MYO5C: variants seen among roughly 807,000 people sequenced by gnomAD.
MYO5C encodes the protein unconventional myosin-Vc.
A neutral mutation model predicts 235.7 loss-of-function variants in MYO5C; 194 were observed. The ratio of observed to expected loss-of-function variants is 0.82; its 90% CI spans 0.73 to 0.93. The LOEUF (loss-of-function observed/expected upper bound fraction) is 0.93, where lower values mean the gene tolerates loss of function less well. MYO5C is among the 40% of genes least tolerant of loss of function. The pLI, the probability that MYO5C is intolerant of heterozygous loss-of-function variation, is 0.00. For synonymous variants in MYO5C, 707 were observed against 754.8 expected, an observed-to-expected ratio of 0.94 and a Z score of 1.04; for missense variants, 2,038 against 2,127.2, an observed-to-expected ratio of 0.96 and a Z score of 0.82.
intron 23 of MYO5C, among the ~76,000 whole-genome samples, chr15:52,234,400 A>T (rs2036031944): frequency 6.6e-6 from 1 of 152,226 alleles, no homozygotes; most frequent in Non-Finnish European, 1.5e-5. Flanking sequence ...ATTCACCCAA[A>T]CATGACATGG....
rs1163608494 is a variant in MYO5C at position 52,244,362 on chromosome 15, G to A, written c.2384C>T (p.Thr795Ile). 6.2e-7 allele frequency: 1 copy of A among 1,612,660 alleles called. No homozygotes were observed. Among genetic ancestry groups the A allele is most frequent in the Non-Finnish European group, 8.5e-7 (1 of 1,179,538 alleles). The stretch of plus-strand genomic sequence containing the variant: ...TTCCTTGATTCCAACATACCTCACA[G>A]TTTGCTGACCCCGGAAGTACTGCTG... ...IIQQYFRGQQ[T>I]VRKAITAVAL... The change falls in exon 19 of 41, where the codon ACT becomes ATT. Residue 795 changes from threonine to isoleucine, a missense_variant. By Grantham distance (89) the Thr-to-Ile change is moderately conservative. Coordinates refer to ENST00000261839, the MANE Select transcript of MYO5C (RefSeq NM_018728.4).
intron 23 of MYO5C, among the ~76,000 whole-genome samples, chr15:52,233,490 G>A (rs559228593): frequency 6.6e-4 from 100 of 152,298 alleles, no homozygotes; most frequent in African/African-American, 2.4e-3. Context: ...GAAGCCAGTA[G>A]CACCTCTGCT....
intron 2 of MYO5C, among the ~76,000 whole-genome samples, chr15:52,280,964 G>T (rs1229604073): frequency 2.0e-5 from 3 of 152,170 alleles, no homozygotes; most frequent in Admixed American, 6.5e-5. Flanking sequence ...AACTGGACAC[G>T]GATGCTCAGG....
At chr15:52,255,293 G>A (rs1291656784) in intron 11 of MYO5C, among the ~76,000 whole-genome samples, 2 of 152,224 alleles carry the variant, frequency 1.3e-5, no homozygotes, top group Non-Finnish European at 1.5e-5. Context: ...AAGACGTCAT[G>A]CTATGTTTTC....
intron 13 of MYO5C, among the ~76,000 whole-genome samples, chr15:52,249,169 G>A (rs777985036): frequency 4.6e-5 from 7 of 152,178 alleles, no homozygotes; most frequent in South Asian, 2.1e-4. Context: ...AACAGACATC[G>A]TTTCCTAAAT....
In MYO5C at chr15:52,235,518, G is replaced by A. The variant is rs938717752; in HGVS notation, c.2962+152C>T. Reference sequence around the variant, plus strand: ...CGAATCTGTAGGGCAAAGTTACCACGACTTAAATATGGCTATTCCTTGTGA... The same window carrying A: ...CGAATCTGTAGGGCAAAGTTACCACAACTTAAATATGGCTATTCCTTGTGA... On this transcript the variant is annotated intron_variant, in intron 23 of 40. Transcript: ENST00000261839. 1.5e-5 allele frequency: 8 copies of A among 525,158 alleles called. No homozygotes were observed. The Admixed American group carries it at 1.6e-4, about 11-fold the overall frequency. The allele number at this position is 525,158 out of a possible 1,614,324, so 32.5% of individuals were successfully genotyped here.
intron 38 of MYO5C, among the ~76,000 whole-genome samples, chr15:52,199,739 G>A (rs1362162598): frequency 1.3e-5 from 2 of 152,122 alleles, no homozygotes; most frequent in African/African-American, 4.8e-5. Flanking sequence ...TGGTGGCGAA[G>A]GAGGCCAGAA....
chr15:52,218,500 A>G lies in MYO5C; in HGVS notation c.3954+19T>C. ...CTGCACACAGACAGTCTTTATCACC[A>G]AGTTAGAAGACTTCTCACCCTGTTT... On this transcript the variant is annotated intron_variant, in intron 32 of 40. Coordinates refer to ENST00000261839, the MANE Select transcript of MYO5C (RefSeq NM_018728.4). The G allele has an allele frequency of 6.2e-7, 1 of 1,612,158 alleles. No individual in the cohort carries two copies. Among genetic ancestry groups the G allele is most frequent in the Non-Finnish European group, 8.5e-7 (1 of 1,178,646 alleles).
At chr15:52,248,130 T>G (rs1273862743) in intron 14 of MYO5C, among the ~76,000 whole-genome samples, 1 of 152,116 alleles carries the variant, frequency 6.6e-6, no homozygotes, top group African/African-American at 2.4e-5. Context: ...CAGAGTGAAT[T>G]TCATATTTTG....
At chr15:52,205,249 A>G in intron 37 of MYO5C, 102 bp from the exon 38 acceptor site, 1 of 1,286,946 alleles carries the variant, frequency 7.8e-7, no homozygotes, top group East Asian at 2.3e-5. Flanking sequence ...TTTTTCTACA[A>G]GAGTCAGTGG....
chr15:52,235,499 T>A (rs1414775770), intron 23 of MYO5C, among the ~76,000 whole-genome samples, 171 bp downstream of exon 23: 3 of 152,198 alleles, frequency 2.0e-5, no homozygotes, highest in African/African-American at 7.2e-5. Flanking sequence ...CAGACGAATC[T>A]GTAGGGCAAA....
rs780365463 is a variant in MYO5C at position 52,247,444 on chromosome 15, C to T, written c.1881+14G>A. The stretch of plus-strand genomic sequence containing the variant: ...TGCCTTTAGACCCCTCACTCTCAAA[C>T]ACCTTCTCAGTACCTTGCTCCCAAC... On this transcript the variant is annotated intron_variant, in intron 15 of 40. Transcript: ENST00000261839. 8.7e-6 allele frequency: 14 copies of T among 1,613,474 alleles called. No homozygotes were observed. The highest frequency in any genetic ancestry group is 1.7e-4 in the Middle Eastern group (1 of 6,060).
At chr15:52,285,234 G>T (rs2081342139) in intron 1 of MYO5C, among the ~76,000 whole-genome samples, 1 of 152,014 alleles carries the variant, frequency 6.6e-6, no homozygotes, top group South Asian at 2.1e-4. Context: ...TGGGCGTGGT[G>T]GTGCATGCCT....
rs143928669 is a variant in MYO5C at position 52,255,729 on chromosome 15, T to C, written c.1395+910A>G. ...AGGTTGAAATTGTATTCAATACACA[T>C]AGCAATAATAAATGCCCAAACAGCC... On this transcript the variant is annotated intron_variant, in intron 11 of 40. Transcript: ENST00000261839. 3.7e-3 allele frequency among the ~76,000 whole-genome samples: 569 copies of C among 151,888 alleles called. 2 individuals carry two copies. Among genetic ancestry groups the C allele is most frequent in the African/African-American group, 0.013 (541 of 41,558 alleles).
At chr15:52,233,984 G>A (rs1420983068) in intron 23 of MYO5C, among the ~76,000 whole-genome samples, 2 of 152,104 alleles carry the variant, frequency 1.3e-5, no homozygotes, top group African/African-American at 4.8e-5. Flanking sequence ...GAATCAAAAT[G>A]ACTGCTTCAG....
chr15:52,225,247 C>T lies in MYO5C; in HGVS notation c.3302-109G>A, dbSNP rs997165970. 5.7e-5 allele frequency: 72 copies of T among 1,255,750 alleles called. No homozygotes were observed. In the African/African-American group the frequency reaches 9.5e-4, roughly 17 times the overall value. 77.8% of individuals were successfully genotyped at this position (1,255,750 alleles called of 1,614,324 possible). ...AGCTTCACAGTCTCCAGCTAAATAA[C>T]TCACCAGCTATCCAATCAACCAACT... On this transcript the variant is annotated intron_variant, in intron 26 of 40. Transcript: ENST00000261839.
rs1187299217 is a variant in MYO5C at position 52,269,828 on chromosome 15, C to G, written c.865G>C (p.Gly289Arg). The stretch of plus-strand genomic sequence containing the variant: ...ACACCCTCAATGACAGTATTGCCTC[C>G]CATTCTTGTATAATTAAATTCTTCG... ...SAEEFNYTRM[G>R]GNTVIEGVND... is the part of the protein sequence containing the mutation. Residue 289 changes from glycine to arginine, a missense_variant, in exon 8 of 41, where the codon GGA becomes CGA. Gly to Arg is a moderately radical substitution (Grantham distance 125). Coordinates refer to ENST00000261839, the MANE Select transcript of MYO5C (RefSeq NM_018728.4). 1 of 1,613,498 alleles carries G rather than the reference C, an allele frequency of 6.2e-7. No individual in the cohort carries two copies. The highest frequency in any genetic ancestry group is 1.1e-5 in the South Asian group (1 of 91,060).
chr15:52,252,439 G>A (rs72734947), intron 12 of MYO5C, among the ~76,000 whole-genome samples: 6 of 151,816 alleles, frequency 4.0e-5, no homozygotes, highest in Non-Finnish European at 5.9e-5. Flanking sequence ...CTTGATACAT[G>A]TGATTTTTTT....
intron 19 of MYO5C, chr15:52,242,983 T>C (rs1271951740): frequency 6.6e-6 from 1 of 152,222 alleles, no homozygotes; most frequent in African/African-American, 2.4e-5. Flanking sequence ...TCAATGAGGT[T>C]AGAAAAATAG....
Sources: gnomAD v4.1 joint callset for allele counts (sites outside exome capture counted in the v4.1 genomes callset) on GRCh38, gnomAD v4.1.1 for gene constraint, MANE v1.5 for transcripts, NCBI Gene and HGNC (gene_info 2026-07-23, HGNC 2026-07-21) for gene names.